The following COL11A1 variants were observed in gnomAD, a reference collection of about 807,000 sequenced individuals.
COL11A1 encodes the protein collagen type XI alpha 1 chain.
Under a neutral mutation model 265.2 loss-of-function variants are expected in COL11A1, and 74 were observed. The observed-to-expected ratio is 0.28, with a 90% CI of 0.23 to 0.34. The LOEUF is 0.34. Among genes scored for constraint, COL11A1 ranks in the 10% least tolerant of loss-of-function variants. COL11A1 has a pLI of 1.00. For synonymous variants in COL11A1, 816 were observed against 727.6 expected, an observed-to-expected ratio of 1.12 and a Z score of -1.96; for missense variants, 2,165 against 2,263.6, an observed-to-expected ratio of 0.96 and a Z score of 0.88.
At chr1:103,004,249 A>G (rs886319642) in intron 20 of COL11A1, among the ~76,000 whole-genome samples, 195 bp downstream of exon 20, 1 of 152,032 alleles carries the variant, frequency 6.6e-6, no homozygotes, top group African/African-American at 2.4e-5. Context: ...TTTTCCCTCA[A>G]TTGTCTAAGA....
At chr1:102,918,085 A>C (rs980138733) in intron 49 of COL11A1, among the ~76,000 whole-genome samples, 1 of 151,486 alleles carries the variant, frequency 6.6e-6, no homozygotes, top group African/African-American at 2.4e-5. Context: ...CTATATTTCT[A>C]ATACCAAAAT....
chr1:102,970,058 T>TTATATATA (rs10639471), intron 37 of COL11A1, among the ~76,000 whole-genome samples, 161 bp downstream of exon 37: 2 of 150,590 alleles, frequency 1.3e-5, no homozygotes, highest in Non-Finnish European at 3.0e-5. Context: ...ATTTTTGTAT[T>TTATATATA]TATATATATA....
intron 58 of COL11A1, 117 bp downstream of exon 58, chr1:102,890,334 G>A: frequency 2.2e-6 from 2 of 916,798 alleles, no homozygotes; most frequent in South Asian, 3.3e-5. Flanking sequence ...CTTTTTTCAG[G>A]GTTAGAATGA....
chr1:102,921,773 A>G (rs1033586328), intron 47 of COL11A1, among the ~76,000 whole-genome samples: 1 of 152,242 alleles, frequency 6.6e-6, no homozygotes, highest in East Asian at 1.9e-4. Context: ...TGAGGAAATT[A>G]GGATTTCAAG....
rs1649667751 is a variant in COL11A1 at position 102,877,739 on chromosome 1, A to G, written c.*280T>C. ...ATATTTTTCTTTTTTTGTTTTCTAC[A>G]GCACCAAAGAAATTCAAATAGGAAA... On this transcript the variant is annotated 3_prime_UTR_variant, in exon 67 of 67. Coordinates refer to ENST00000370096, the MANE Select transcript of COL11A1 (RefSeq NM_001854.4). 1.1e-5 allele frequency: 4 copies of G among 370,234 alleles called. No homozygotes were observed. Among genetic ancestry groups the G allele is most frequent in the East Asian group, 1.0e-4 (2 of 19,126 alleles). 22.9% of individuals were successfully genotyped at this position (370,234 alleles called of 1,614,324 possible).
rs191992448 is a variant in COL11A1, at chr1:102,891,251, A to G, written c.4303-747T>C. Reference sequence around the variant, plus strand: ...AATATTGCATGTATATTATTCATGAAGAAGTTAGAGATCATGACTATTAAT... The same window carrying G: ...AATATTGCATGTATATTATTCATGAGGAAGTTAGAGATCATGACTATTAAT... On this transcript the variant is annotated intron_variant, in intron 57 of 66. Transcript: ENST00000370096. Among the ~76,000 whole-genome samples, 126 of 152,240 alleles carry G rather than the reference A, an allele frequency of 8.3e-4. 1 individual carries two copies. Among genetic ancestry groups the G allele is most frequent in the African/African-American group, 2.9e-3 (122 of 41,548 alleles).
rs146515324 is a variant in COL11A1, at chr1:103,105,245, A to G, written c.106+2828T>C. 4.5e-3 allele frequency among the ~76,000 whole-genome samples: 679 copies of G among 152,288 alleles called. 4 individuals are homozygous for G. The highest frequency in any genetic ancestry group is 0.016 in the African/African-American group (650 of 41,556). ...ATGGACTAACTGCCAAAGAATATCA[A>G]TAAATCGCTGAGATACATCATTTAC... On this transcript the variant is annotated intron_variant, in intron 1 of 66. Coordinates refer to ENST00000370096, the MANE Select transcript of COL11A1 (RefSeq NM_001854.4).
intron 4 of COL11A1, among the ~76,000 whole-genome samples, chr1:103,037,227 A>G (rs1668444425): frequency 6.9e-6 from 1 of 145,764 alleles, no homozygotes; most frequent in Non-Finnish European, 1.5e-5. Context: ...GGTCTATGAA[A>G]TACACAAGTA....
chr1:102,878,474 T>TATATATATATATATATA (rs1649789922), intron 66 of COL11A1, among the ~76,000 whole-genome samples: 1 of 8,616 alleles, frequency 1.2e-4, no homozygotes, highest in Admixed American at 1.8e-3. Context: ...TATTGAATCC[T>TATATATATATATATATA]CATATATATA....
chr1:103,063,366 A>G (rs1237911367), intron 4 of COL11A1, among the ~76,000 whole-genome samples: 1 of 152,154 alleles, frequency 6.6e-6, no homozygotes. Flanking sequence ...GGAAGAACTG[A>G]TAAGTAGATC....
chr1:102,997,062 G>T lies in COL11A1; in HGVS notation c.2241+18C>A. 1.2e-6 allele frequency: 2 copies of T among 1,607,912 alleles called. No individual in the cohort carries two copies. The highest frequency in any genetic ancestry group is 1.7e-6 in the Non-Finnish European group (2 of 1,174,908). On this transcript the variant is annotated intron_variant, in intron 26 of 66. Transcript: ENST00000370096. ...AAATTTATTAATAGGACATTTAAAT[G>T]GATACTTTGGAACCTACCAGAGCCC...
intron 4 of COL11A1, among the ~76,000 whole-genome samples, chr1:103,046,287 G>C (rs1669262131): frequency 6.5e-5 from 1 of 15,380 alleles, no homozygotes; most frequent in African/African-American, 1.4e-4. Flanking sequence ...CCTTTTTAAT[G>C]ATTGCCATTC....
At chr1:102,906,148 A>G (rs907025224) in intron 54 of COL11A1, among the ~76,000 whole-genome samples, 2 of 152,164 alleles carry the variant, frequency 1.3e-5, no homozygotes, top group African/African-American at 2.4e-5. Flanking sequence ...TGCTTTAAAT[A>G]TACATTTTCT....
rs764529821 is a variant in COL11A1 at position 103,025,832 on chromosome 1, G to C, written c.898-219C>G. The C allele has an allele frequency of 9.9e-6, 16 of 1,613,468 alleles. No individual in the cohort carries two copies. The East Asian group carries it at 3.3e-4, about 34-fold the overall frequency. ...CCTAGTTTGGCTTTTGCTGATGCTT[G>C]ATAACTTTTCTTCTTCTTGGATGAA... On this transcript the variant is annotated intron_variant, in intron 6 of 66. Transcript: ENST00000370096.
At chr1:102,997,295 G>A (rs1053236678) in intron 25 of COL11A1, among the ~76,000 whole-genome samples, 171 bp from the exon 26 acceptor site, 1 of 151,818 alleles carries the variant, frequency 6.6e-6, no homozygotes, top group Non-Finnish European at 1.5e-5. Flanking sequence ...GGAAACTATG[G>A]CATTTGGAAG....
At chr1:102,954,213 T>C (rs1660152071) in intron 41 of COL11A1, among the ~76,000 whole-genome samples, 1 of 152,238 alleles carries the variant, frequency 6.6e-6, no homozygotes, top group African/African-American at 2.4e-5. Context: ...TTCCCCTAAA[T>C]CCTGCTGCAC....
chr1:103,052,585 CT>C (rs1180684671), intron 4 of COL11A1, among the ~76,000 whole-genome samples: 1 of 152,074 alleles, frequency 6.6e-6, no homozygotes, highest in African/African-American at 2.4e-5. Flanking sequence ...TTCTATATCC[CT>C]TACTTAAGCA....
chr1:102,965,480 A>AACAT lies in COL11A1; in HGVS notation c.2916+3_2916+6dup. 1 of 1,613,296 alleles carries AACAT rather than the reference A, an allele frequency of 6.2e-7. No homozygotes were observed. Among genetic ancestry groups the AACAT allele is most frequent in the African/African-American group, 1.3e-5 (1 of 75,042 alleles). ...TCTTGCTTGGGAAATAAAGCAAAGG[A>AACAT]ACATACCTGTGGTCCAACCACTCCC... On this transcript the variant is annotated splice_region_variant and intron_variant, in intron 38 of 66. Transcript: ENST00000370096.
At chr1:103,047,580 T>C (rs898973516) in intron 4 of COL11A1, among the ~76,000 whole-genome samples, 16 of 152,200 alleles carry the variant, frequency 1.1e-4, no homozygotes, top group African/African-American at 3.9e-4. Flanking sequence ...CTTTTCCTAA[T>C]TGAATACCCT....
Sources: allele counts gnomAD v4.1 joint callset (sites outside exome capture counted in the v4.1 genomes callset), GRCh38; gene constraint gnomAD v4.1.1; transcripts MANE v1.5; gene names NCBI Gene and HGNC (gene_info 2026-07-23, HGNC 2026-07-21).